Variants in UVRAG observed in about 807,000 individuals in gnomAD.
The protein encoded by UVRAG is UV radiation resistance associated.
A neutral mutation model predicts 78.0 loss-of-function variants in UVRAG; 19 were observed. The ratio of observed to expected loss-of-function variants is 0.24; its 90% CI spans 0.17 to 0.36. The LOEUF (loss-of-function observed/expected upper bound fraction) is 0.36, where lower values mean the gene tolerates loss of function less well. Ranked by LOEUF, UVRAG falls within the 10% of genes least tolerant of loss-of-function variation. The probability of loss-of-function intolerance (pLI) is 1.00; values close to 1 mark genes in which losing one functional copy is unlikely to be tolerated. For missense variants in UVRAG, 740 were observed against 853.8 expected (o/e 0.87, Z 1.66); for synonymous variants, 323 against 324.6 (o/e 1.00, Z 0.05).
chr11:76,028,435 T>A (rs749439012), intron 12 of UVRAG, among the ~76,000 whole-genome samples: 14 of 152,234 alleles, frequency 9.2e-5, no homozygotes, highest in Non-Finnish European at 1.6e-4. Context: ...ATGATTGAGC[T>A]TAATGAGGAA....
intron 14 of UVRAG, among the ~76,000 whole-genome samples, chr11:76,120,017 G>A (rs145436399): frequency 2.0e-3 from 312 of 152,240 alleles, no homozygotes; most frequent in Admixed American, 8.2e-3. Flanking sequence ...CTGTCTGAGT[G>A]GTTGCACTCA....
chr11:76,023,504 G>C (rs1950281944), intron 12 of UVRAG, among the ~76,000 whole-genome samples: 1 of 152,022 alleles, frequency 6.6e-6, no homozygotes. Flanking sequence ...TTTGTTAGCT[G>C]CTTTTCAGTT....
At chr11:75,850,961 A>G (rs1946142214) in intron 1 of UVRAG, among the ~76,000 whole-genome samples, 1 of 152,184 alleles carries the variant, frequency 6.6e-6, no homozygotes, top group African/African-American at 2.4e-5. Flanking sequence ...CTGTGCCTGT[A>G]ATTGAAAGTG....
At chr11:75,818,084 CAA>C (rs1378061040) in intron 1 of UVRAG, among the ~76,000 whole-genome samples, 2 of 148,684 alleles carry the variant, frequency 1.3e-5, no homozygotes, top group Admixed American at 6.6e-5. Flanking sequence ...AACAAACAAA[CAA>C]AAAACCCCCC....
At chr11:75,852,459 A>T (rs538108144) in intron 2 of UVRAG, among the ~76,000 whole-genome samples, 1 of 152,194 alleles carries the variant, frequency 6.6e-6, no homozygotes, top group South Asian at 2.1e-4. Context: ...TGTACTGTGG[A>T]TTCTTCTGTA....
At chr11:76,020,844 C>T (rs976028971) in intron 12 of UVRAG, among the ~76,000 whole-genome samples, 2 of 152,116 alleles carry the variant, frequency 1.3e-5, no homozygotes, top group African/African-American at 4.8e-5. Context: ...TTTAGAACCC[C>T]AGAGCACCTT....
chr11:75,875,500 A>C (rs1469561195), intron 3 of UVRAG, among the ~76,000 whole-genome samples: 1 of 150,278 alleles, frequency 6.7e-6, no homozygotes, highest in Non-Finnish European at 1.5e-5. Flanking sequence ...AGTCTAGGAA[A>C]TTGCTACTTA....
At chr11:76,019,204 C>CTT (rs1018928069) in intron 12 of UVRAG, among the ~76,000 whole-genome samples, 1 of 152,226 alleles carries the variant, frequency 6.6e-6, no homozygotes, top group African/African-American at 2.4e-5. Context: ...ATTTCAATCT[C>CTT]TTTGTTAAAT....
rs189306153 is a variant in UVRAG at position 76,104,628 on chromosome 11, C to T, written c.1306-11296C>T. 1.7e-4 allele frequency among the ~76,000 whole-genome samples: 26 copies of T among 152,254 alleles called. 1 individual carries two copies. The highest frequency in any genetic ancestry group is 1.0e-3 in the Admixed American group (16 of 15,292). On this transcript the variant is annotated intron_variant, in intron 13 of 14. Transcript: ENST00000356136. ...ATATTTAGATTATTTCCAAATTTCC[C>T]GTTACAAACAGTGCCATGCATGTAT...
chr11:76,094,643 G>C (rs571007184), intron 13 of UVRAG, among the ~76,000 whole-genome samples: 14 of 152,146 alleles, frequency 9.2e-5, no homozygotes, highest in Non-Finnish European at 1.9e-4. Flanking sequence ...TAGTTTATTT[G>C]CATAGAGGTG....
At chr11:76,006,451 T>C (rs1238310952) in intron 9 of UVRAG, among the ~76,000 whole-genome samples, 1 of 151,832 alleles carries the variant, frequency 6.6e-6, no homozygotes, top group African/African-American at 2.4e-5. Flanking sequence ...CTTGAGCCTA[T>C]GAGTTTGAGA....
intron 6 of UVRAG, among the ~76,000 whole-genome samples, chr11:75,933,388 TA>T (rs1336442954): frequency 6.6e-6 from 1 of 152,182 alleles, no homozygotes; most frequent in Non-Finnish European, 1.5e-5. Context: ...ATCTAAGACC[TA>T]AAACTATGAA....
At position 75,910,595 on chromosome 11, in the gene UVRAG, G is replaced by T. The variant is rs188576604; in HGVS notation, c.508-1359G>T. Among the ~76,000 whole-genome samples, 17 of 148,862 alleles carry T rather than the reference G, an allele frequency of 1.1e-4. No individual in the cohort carries two copies. The East Asian group carries it at 3.4e-3, about 29-fold the overall frequency. On this transcript the variant is annotated intron_variant, in intron 5 of 14. Transcript: ENST00000356136. ...CTTTCACTCAGGCTGGAGTGCAGTG[G>T]TGTGACCGCCAGATTGGTTCACCTT...
chr11:75,846,441 G>A (rs745759869), intron 1 of UVRAG, among the ~76,000 whole-genome samples: 2 of 152,078 alleles, frequency 1.3e-5, no homozygotes, highest in Non-Finnish European at 2.9e-5. Context: ...TATGCCTTTG[G>A]TGTTGTATCT....
chr11:75,873,097 C>T (rs556433146), intron 3 of UVRAG, among the ~76,000 whole-genome samples: 1 of 152,292 alleles, frequency 6.6e-6, no homozygotes, highest in East Asian at 1.9e-4. Flanking sequence ...CAGCCAGCCC[C>T]ATGGACATCA....
intron 6 of UVRAG, among the ~76,000 whole-genome samples, chr11:75,932,034 T>C (rs1948251367): frequency 6.6e-6 from 1 of 152,078 alleles, no homozygotes; most frequent in Non-Finnish European, 1.5e-5. Context: ...TTGTCTTTTT[T>C]TTCTTTTTAC....
At chr11:75,830,290 T>TG (rs1945625143) in intron 1 of UVRAG, among the ~76,000 whole-genome samples, 1 of 152,018 alleles carries the variant, frequency 6.6e-6, no homozygotes, top group Non-Finnish European at 1.5e-5. Flanking sequence ...TCTTTTTTTT[T>TG]TGAGACAGTC....
chr11:75,817,812 G>A (rs1465053153), intron 1 of UVRAG, among the ~76,000 whole-genome samples: 1 of 151,746 alleles, frequency 6.6e-6, no homozygotes. Flanking sequence ...TGGAGGCTGA[G>A]GTGGGGGGAT....
At chr11:75,941,348 A>T (rs924828385) in intron 6 of UVRAG, among the ~76,000 whole-genome samples, 8 of 152,154 alleles carry the variant, frequency 5.3e-5, no homozygotes, top group African/African-American at 1.4e-4. Context: ...AAACTGTAAG[A>T]TATTTAAAAA....
Sources: allele counts gnomAD v4.1 joint callset (sites outside exome capture counted in the v4.1 genomes callset), GRCh38; gene constraint gnomAD v4.1.1; transcripts MANE v1.5; gene names NCBI Gene and HGNC (gene_info 2026-07-23, HGNC 2026-07-21).